The following ISM1 variants were observed in gnomAD, a reference collection of about 807,000 sequenced individuals.
The protein encoded by ISM1 is isthmin 1, also known as isthmin-1.
A neutral mutation model predicts 46.3 loss-of-function variants in ISM1; 25 were observed. The ratio of observed to expected loss-of-function variants is 0.54; its 90% CI spans 0.39 to 0.75. The LOEUF is 0.75. ISM1 is among the 30% of genes least tolerant of loss of function. ISM1 has a pLI of 0.00. For missense variants in ISM1, 536 were observed against 625.4 expected, an observed-to-expected ratio of 0.86 and a Z score of 1.52; for synonymous variants, 255 against 256.7, an observed-to-expected ratio of 0.99 and a Z score of 0.06.
downstream of ISM1, among the ~76,000 whole-genome samples, chr20:13,305,292 T>C (rs534751722): frequency 6.6e-6 from 1 of 152,114 alleles, no homozygotes; most frequent in Non-Finnish European, 1.5e-5. Context: ...TTTTAAGTAC[T>C]TTTCCATAAT....
At chr20:13,229,388 C>G (rs925479634) in intron 1 of ISM1, among the ~76,000 whole-genome samples, 4 of 152,144 alleles carry the variant, frequency 2.6e-5, no homozygotes, top group Non-Finnish European at 1.5e-5. Context: ...ATTAGTTTTG[C>G]CTGTTCCAGA....
the ISM1 span, among the ~76,000 whole-genome samples, chr20:13,313,569 C>T: frequency 2.0e-5 from 3 of 152,278 alleles, no homozygotes; most frequent in East Asian, 5.8e-4. Flanking sequence ...CCTATTCGGG[C>T]TCGGGAGACT....
chr20:13,268,465 G>A (rs1451730605), intron 1 of ISM1, among the ~76,000 whole-genome samples: 2 of 148,832 alleles, frequency 1.3e-5, no homozygotes, highest in African/African-American at 5.0e-5. Context: ...GTCTCAAAAT[G>A]TCAGGGCAAC....
chr20:13,322,875 C>T, the ISM1 span, among the ~76,000 whole-genome samples: 6 of 152,168 alleles, frequency 3.9e-5, no homozygotes, highest in African/African-American at 1.4e-4. Flanking sequence ...CCTCTCCCCA[C>T]CCCCGCTGCC....
chr20:13,296,041 C>T (rs1203143634), intron 5 of ISM1, among the ~76,000 whole-genome samples: 1 of 152,166 alleles, frequency 6.6e-6, no homozygotes, highest in Non-Finnish European at 1.5e-5. Context: ...CATTTTTGGA[C>T]ACCCCTGGGG....
rs963243032 is a variant in ISM1 at position 13,221,463 on chromosome 20, C to T, written c.-314C>T. Among the ~76,000 whole-genome samples the T allele has an allele frequency of 9.9e-4, 144 of 146,088 alleles. No homozygotes were observed. Among genetic ancestry groups the T allele is most frequent in the Middle Eastern group, 3.5e-3 (1 of 282 alleles). On this transcript the variant is annotated 5_prime_UTR_variant, in exon 1 of 6. Transcript: ENST00000262487. The stretch of plus-strand genomic sequence containing the variant: ...CCGGGCTGTCCCGGGACCCAGTCTC[C>T]GTCTCCGCCGCCGCCGCCGCCAGGC...
At chr20:13,297,083 C>T (rs1422424776) in intron 5 of ISM1, among the ~76,000 whole-genome samples, 1 of 152,118 alleles carries the variant, frequency 6.6e-6, no homozygotes, top group Non-Finnish European at 1.5e-5. Context: ...TGAGGACAAG[C>T]AGTTTTTGAG....
intron 1 of ISM1, among the ~76,000 whole-genome samples, chr20:13,259,990 A>G (rs556773331): frequency 5.3e-5 from 8 of 152,358 alleles, no homozygotes; most frequent in African/African-American, 1.9e-4. Flanking sequence ...GAATGAATCC[A>G]TGAATAGAGC....
chr20:13,315,578 T>C, the ISM1 span, among the ~76,000 whole-genome samples: 16 of 151,986 alleles, frequency 1.1e-4, no homozygotes, highest in Non-Finnish European at 2.2e-4. Context: ...ATGAATCCAT[T>C]ATCATAGTTA....
At chr20:13,324,563 T>G in the ISM1 span, among the ~76,000 whole-genome samples, 2 of 152,346 alleles carry the variant, frequency 1.3e-5, no homozygotes, top group African/African-American at 4.8e-5. Flanking sequence ...TAAGTTTCAG[T>G]TGGCTTTAAT....
At chr20:13,252,729 T>A (rs1853192) in intron 1 of ISM1, among the ~76,000 whole-genome samples, 1 of 151,712 alleles carries the variant, frequency 6.6e-6, no homozygotes. Flanking sequence ...GCACTCCAGC[T>A]TGGGCAACAG....
At chr20:13,280,396 C>A (rs920368014) in intron 3 of ISM1, among the ~76,000 whole-genome samples, 2 of 147,998 alleles carry the variant, frequency 1.4e-5, no homozygotes, top group East Asian at 4.2e-4. Context: ...AAGTAACCCC[C>A]CCCCCCCAAT....
chr20:13,235,034 T>C (rs996309898), intron 1 of ISM1, among the ~76,000 whole-genome samples: 2 of 152,172 alleles, frequency 1.3e-5, no homozygotes, highest in Admixed American at 1.3e-4. Context: ...TTAATACAGG[T>C]CCTGTGTTAT....
intron 1 of ISM1, among the ~76,000 whole-genome samples, chr20:13,225,012 ATT>A (rs532771229): frequency 7.3e-6 from 1 of 137,674 alleles, no homozygotes; most frequent in African/African-American, 2.8e-5. Flanking sequence ...CGCCCGGCTA[ATT>A]TTTTTTTTTT....
At chr20:13,259,288 A>C (rs370951331) in intron 1 of ISM1, among the ~76,000 whole-genome samples, 41 of 151,900 alleles carry the variant, frequency 2.7e-4, no homozygotes, top group African/African-American at 9.6e-4. Context: ...CTCAAAAAAA[A>C]AAAAACAAAA....
At chr20:13,322,013 CATTT>C in the ISM1 span, among the ~76,000 whole-genome samples, 1 of 152,174 alleles carries the variant, frequency 6.6e-6, no homozygotes, top group Non-Finnish European at 1.5e-5. Context: ...AATGAGTCAA[CATTT>C]ATATTATGGA....
intron 1 of ISM1, among the ~76,000 whole-genome samples, chr20:13,254,081 A>G (rs553062620): frequency 8.0e-4 from 111 of 138,878 alleles, no homozygotes; most frequent in Non-Finnish European, 1.2e-3. Flanking sequence ...AAAAAAAAAT[A>G]CAAACATTAG....
In ISM1 at chr20:13,221,730, C is replaced by G; in HGVS notation, c.-47C>G. The stretch of plus-strand genomic sequence containing the variant: ...CCTCCTCCCCCGGCGTCACCGCCGC[C>G]GCCGCCGGCCGCCGCGCCGGGTCCT... On this transcript the variant is annotated 5_prime_UTR_variant, in exon 1 of 6. Coordinates refer to ENST00000262487, the MANE Select transcript of ISM1 (RefSeq NM_080826.2). 1 of 1,342,384 alleles carries G rather than the reference C, an allele frequency of 7.4e-7. No homozygotes were observed. The highest frequency in any genetic ancestry group is 9.5e-7 in the Non-Finnish European group (1 of 1,050,020). The allele number at this position is 1,342,384 out of a possible 1,614,324, so 83.2% of individuals were successfully genotyped here. A position where few individuals can be genotyped will look rare whatever the true frequency, so the allele number is the denominator to read the frequency against.
At chr20:13,288,451 T>C in intron 3 of ISM1, 89 bp from the exon 4 acceptor site, 1 of 1,382,168 alleles carries the variant, frequency 7.2e-7, no homozygotes, top group Non-Finnish European at 1.0e-6. Flanking sequence ...GCGAGAAGGA[T>C]AGAAGTGAAT....
Sources: allele counts gnomAD v4.1 joint callset (sites outside exome capture counted in the v4.1 genomes callset), GRCh38; gene constraint gnomAD v4.1.1; transcripts MANE v1.5; gene names NCBI Gene and HGNC (gene_info 2026-07-23, HGNC 2026-07-21).